TCF7L1: variants seen among roughly 807,000 people sequenced by gnomAD.
TCF7L1 encodes the protein transcription factor 7 like 1.
In TCF7L1, 18 loss-of-function variants were observed where a neutral mutation model predicts 63.7. That is an observed-to-expected ratio of 0.28 (90% CI 0.20 to 0.42). The LOEUF (loss-of-function observed/expected upper bound fraction) is 0.42, where lower values mean the gene tolerates loss of function less well. Ranked by LOEUF, TCF7L1 falls within the 10% of genes least tolerant of loss-of-function variation. The pLI, the probability that TCF7L1 is intolerant of heterozygous loss-of-function variation, is 1.00. For missense variants in TCF7L1, 654 were observed against 779.3 expected, an observed-to-expected ratio of 0.84 and a Z score of 1.91; for synonymous variants, 355 against 340.9, an observed-to-expected ratio of 1.04 and a Z score of -0.46.
At chr2:85,167,756 C>T (rs540510258) in intron 3 of TCF7L1, among the ~76,000 whole-genome samples, 2 of 152,166 alleles carry the variant, frequency 1.3e-5, no homozygotes, top group East Asian at 1.9e-4. Flanking sequence ...TTCGGCTACT[C>T]GGGAGACTGA....
intron 4 of TCF7L1, among the ~76,000 whole-genome samples, chr2:85,302,227 C>T (rs1214113178): frequency 6.6e-6 from 1 of 152,042 alleles, no homozygotes; most frequent in East Asian, 1.9e-4. Context: ...GATGACACAG[C>T]GCAGATCATT....
chr2:85,188,662 G>T (rs1311432332), intron 3 of TCF7L1, among the ~76,000 whole-genome samples: 1 of 152,102 alleles, frequency 6.6e-6, no homozygotes, highest in African/African-American at 2.4e-5. Context: ...GATTTTATTT[G>T]TTGTGTTTTT....
At chr2:85,295,041 T>A (rs1430055532) in intron 4 of TCF7L1, among the ~76,000 whole-genome samples, 6 of 151,852 alleles carry the variant, frequency 4.0e-5, no homozygotes, top group Admixed American at 2.6e-4. Flanking sequence ...AAAAAAAAAT[T>A]TTTTTAAATA....
intron 3 of TCF7L1, among the ~76,000 whole-genome samples, chr2:85,224,626 G>T (rs1679918132): frequency 6.6e-6 from 1 of 152,042 alleles, no homozygotes; most frequent in Admixed American, 6.5e-5. Context: ...CTTTTTGATG[G>T]GGTCATTTGT....
rs1300813260 is a variant in TCF7L1 at position 85,134,947 on chromosome 2, A to C, written c.441+497A>C. Among the ~76,000 whole-genome samples, 1 of 152,042 alleles carries C rather than the reference A, an allele frequency of 6.6e-6. No homozygotes were observed. The highest frequency in any genetic ancestry group is 1.5e-5 in the Non-Finnish European group (1 of 68,010). Reference sequence around the variant, plus strand: ...CCCCGTTCCCACCCCCAGCCCTCGCACCGGGGCCTCAGCTTTTCTGCGGAG... The same window carrying C: ...CCCCGTTCCCACCCCCAGCCCTCGCCCCGGGGCCTCAGCTTTTCTGCGGAG... On this transcript the variant is annotated intron_variant, in intron 3 of 11. Coordinates refer to ENST00000282111, the MANE Select transcript of TCF7L1 (RefSeq NM_031283.3). This position sits in a 1 kb window ranked among gnomAD's most constrained non-coding sequence, Gnocchi z 5.0.
chr2:85,262,016 A>G (rs1222729521), intron 3 of TCF7L1: 5 of 519,166 alleles, frequency 9.6e-6, no homozygotes, highest in South Asian at 4.3e-5. Flanking sequence ...CTTCTCAACA[A>G]TTTCTCACTT....
intron 3 of TCF7L1, among the ~76,000 whole-genome samples, chr2:85,264,798 C>T (rs144632863): frequency 1.3e-5 from 2 of 152,138 alleles, no homozygotes; most frequent in Non-Finnish European, 2.9e-5. Context: ...GTTGCAGCCC[C>T]TCTCCCAACC....
chr2:85,291,642 A>G (rs1230160338), intron 4 of TCF7L1, among the ~76,000 whole-genome samples: 1 of 152,188 alleles, frequency 6.6e-6, no homozygotes, highest in Non-Finnish European at 1.5e-5. Context: ...GCAATGGCAC[A>G]TGATCTCAGC....
intron 3 of TCF7L1, among the ~76,000 whole-genome samples, chr2:85,276,657 C>T (rs1681278590): frequency 6.6e-6 from 1 of 152,020 alleles, no homozygotes; most frequent in Admixed American, 6.6e-5. Context: ...AGGCTTCAGG[C>T]AGAGGCTGTT....
intron 3 of TCF7L1, among the ~76,000 whole-genome samples, chr2:85,144,938 AGCTG>A (rs1677843692): frequency 2.0e-5 from 3 of 151,906 alleles, no homozygotes; most frequent in African/African-American, 7.2e-5. Flanking sequence ...ACAAAAAATT[AGCTG>A]GGTGTGGTAG....
At chr2:85,260,345 C>A (rs1237460011) in intron 3 of TCF7L1, among the ~76,000 whole-genome samples, 2 of 152,078 alleles carry the variant, frequency 1.3e-5, no homozygotes, top group Non-Finnish European at 2.9e-5. Flanking sequence ...TTTAAAGAGA[C>A]CTTGTACGTG....
chr2:85,212,244 G>T (rs907011996), intron 3 of TCF7L1, among the ~76,000 whole-genome samples: 2 of 152,124 alleles, frequency 1.3e-5, no homozygotes, highest in Admixed American at 1.3e-4. Context: ...TCTGTGGTGT[G>T]TCTGGGCTGA....
intron 3 of TCF7L1, among the ~76,000 whole-genome samples, chr2:85,223,191 C>T (rs933668972): frequency 6.6e-6 from 1 of 152,182 alleles, no homozygotes; most frequent in Non-Finnish European, 1.5e-5. Context: ...AAGCAATCCC[C>T]CCACCTCAGC....
intron 5 of TCF7L1, chr2:85,303,694 A>G (rs1016153981): frequency 8.7e-6 from 4 of 461,624 alleles, no homozygotes; most frequent in Non-Finnish European, 1.2e-5. Flanking sequence ...GAGGGGGTGC[A>G]TTAGTCCTGC....
chr2:85,175,252 C>A (rs1678653409), intron 3 of TCF7L1, among the ~76,000 whole-genome samples: 1 of 152,188 alleles, frequency 6.6e-6, no homozygotes, highest in Non-Finnish European at 1.5e-5. Flanking sequence ...AGTTTGAAGC[C>A]TGCTTTACCA....
chr2:85,155,885 G>A lies in TCF7L1; in HGVS notation c.441+21435G>A, dbSNP rs369980721. On this transcript the variant is annotated intron_variant, in intron 3 of 11. Coordinates refer to ENST00000282111, the MANE Select transcript of TCF7L1 (RefSeq NM_031283.3). Reference sequence around the variant, plus strand: ...TGTTGGGGGAGGGGGGAAATCAGATGCCCCTTTGTACACTAATTAACGCAG... The same window carrying A: ...TGTTGGGGGAGGGGGGAAATCAGATACCCCTTTGTACACTAATTAACGCAG... Among the ~76,000 whole-genome samples the A allele has an allele frequency of 1.5e-4, 23 of 152,272 alleles. 1 individual carries two copies. The highest frequency in any genetic ancestry group is 5.5e-4 in the African/African-American group (23 of 41,540).
At chr2:85,239,117 A>C (rs1242185318) in intron 3 of TCF7L1, among the ~76,000 whole-genome samples, 1 of 152,100 alleles carries the variant, frequency 6.6e-6, no homozygotes, top group Non-Finnish European at 1.5e-5. Context: ...AACTGTGTAG[A>C]ATTTAACTGT....
At chr2:85,220,987 T>C (rs1159923119) in intron 3 of TCF7L1, among the ~76,000 whole-genome samples, 1 of 152,154 alleles carries the variant, frequency 6.6e-6, no homozygotes, top group African/African-American at 2.4e-5. Context: ...GAATATATTG[T>C]TATACAAGAA....
chr2:85,248,191 A>G (rs780616675), intron 3 of TCF7L1, among the ~76,000 whole-genome samples: 2 of 152,258 alleles, frequency 1.3e-5, no homozygotes, highest in Middle Eastern at 3.4e-3. Flanking sequence ...CCCCTGCAAT[A>G]TGAAAGGCAC....
Sources: allele counts gnomAD v4.1 joint callset (sites outside exome capture counted in the v4.1 genomes callset), GRCh38; gene constraint gnomAD v4.1.1; non-coding constraint Gnocchi (gnomAD v3.1); transcripts MANE v1.5; gene names NCBI Gene and HGNC (gene_info 2026-07-23, HGNC 2026-07-21).